Variants in PCDHGA4 observed in about 807,000 individuals in gnomAD.
The protein encoded by PCDHGA4 is protocadherin gamma subfamily A, 4, also known as protocadherin gamma-A4.
PCDHGA4 carries 38 observed loss-of-function variants against 54.6 expected under a neutral mutation model. The ratio of observed to expected loss-of-function variants is 0.70; its 90% CI spans 0.54 to 0.91. The LOEUF (loss-of-function observed/expected upper bound fraction) is 0.91, where lower values mean the gene tolerates loss of function less well. PCDHGA4 is among the 40% of genes least tolerant of loss of function. The pLI is 0.00. For synonymous variants in PCDHGA4, 511 were observed against 512.9 expected (o/e 1.00, Z 0.05); for missense variants, 1,298 against 1,220.9 (o/e 1.06, Z -0.94).
chr5:141,356,976 G>C lies in PCDHGA4; in HGVS notation c.1869G>C (p.Val623=). 3 of 1,614,248 alleles carry C rather than the reference G, an allele frequency of 1.9e-6. No individual in the cohort carries two copies. The highest frequency in any genetic ancestry group is 2.5e-6 in the Non-Finnish European group (3 of 1,180,048). The change falls in exon 1 of 4, where the codon GTG becomes GTC. Residue 623 remains valine (V), a synonymous_variant. Transcript: ENST00000571252. ...ADSGYLVTKV[V]AVDRDSGQNA... ...CCGGCTACCTGGTGACCAAAGTGGTGGCAGTGGACAGAGACTCAGGTCAGA... is the reference window on the plus strand; with the variant it reads ...CCGGCTACCTGGTGACCAAAGTGGTCGCAGTGGACAGAGACTCAGGTCAGA...
chr5:141,371,546 C>T, intron 1 of PCDHGA4: 1 of 1,613,690 alleles, frequency 6.2e-7, no homozygotes, highest in Non-Finnish European at 8.5e-7. Flanking sequence ...AAATCCTATG[C>T]CAACTAAAAG....
intron 1 of PCDHGA4, among the ~76,000 whole-genome samples, chr5:141,454,596 G>C (rs1184158084): frequency 1.3e-5 from 2 of 151,324 alleles, no homozygotes; most frequent in Non-Finnish European, 2.9e-5. Flanking sequence ...AGTAGAGACA[G>C]GGTTTCTCCA....
chr5:141,391,912 T>C (rs1370313040), intron 1 of PCDHGA4: 1 of 152,228 alleles, frequency 6.6e-6, no homozygotes, highest in Non-Finnish European at 1.5e-5. Context: ...CTTTTTATCA[T>C]ATATTCATCT....
chr5:141,374,484 TAAAGG>T, intron 1 of PCDHGA4: 1 of 1,611,588 alleles, frequency 6.2e-7, no homozygotes, highest in Non-Finnish European at 8.5e-7. Flanking sequence ...CCCCGATTCT[TAAAGG>T]AAGAATTGGA....
At chr5:141,392,819 C>A (rs1346235587) in intron 1 of PCDHGA4, 7 of 1,590,376 alleles carry the variant, frequency 4.4e-6, no homozygotes, top group Non-Finnish European at 6.0e-6. Context: ...CAACAATGGC[C>A]GCTCCACAGA....
intron 1 of PCDHGA4, chr5:141,393,467 C>G (rs1589192441): frequency 6.2e-7 from 1 of 1,614,044 alleles, no homozygotes; most frequent in East Asian, 2.2e-5. Flanking sequence ...CGGATGGCGG[C>G]AAGCCGCCTC....
chr5:141,467,878 C>T (rs937986234), intron 1 of PCDHGA4, among the ~76,000 whole-genome samples: 8 of 151,998 alleles, frequency 5.3e-5, no homozygotes, highest in Non-Finnish European at 7.4e-5. Flanking sequence ...AGGCTGGTCT[C>T]AAACTCCTGA....
chr5:141,415,432 T>G, intron 1 of PCDHGA4: 1 of 1,614,222 alleles, frequency 6.2e-7, no homozygotes, highest in East Asian at 2.2e-5. Flanking sequence ...GGTTCGGGCT[T>G]TCCTGCAGAC....
intron 1 of PCDHGA4, chr5:141,375,132 CA>C (rs1265573516): frequency 6.2e-7 from 1 of 1,613,834 alleles, no homozygotes; most frequent in Non-Finnish European, 8.5e-7. Context: ...GTGGTTGTTA[CA>C]TCTGGAAGCA....
In PCDHGA4 at chr5:141,374,403, A is replaced by G. The variant is rs201390749; in HGVS notation, c.2514+16782A>G. 6.2e-4 allele frequency: 999 copies of G among 1,613,916 alleles called. 2 individuals are homozygous for G. Among genetic ancestry groups the G allele is most frequent in the Non-Finnish European group, 8.1e-4 (961 of 1,179,908 alleles). ...AGCCCGCGGTGTCTGGTGAGTTTTA[A>G]CATCCTTGTCGAGGATAAACTGAAT... On this transcript the variant is annotated intron_variant, in intron 1 of 3. Coordinates refer to ENST00000571252, the MANE Select transcript of PCDHGA4 (RefSeq NM_018917.4).
intron 1 of PCDHGA4, among the ~76,000 whole-genome samples, chr5:141,480,839 G>A (rs1397361640): frequency 6.6e-6 from 1 of 152,196 alleles, no homozygotes; most frequent in Non-Finnish European, 1.5e-5. Context: ...AAGATCAGGA[G>A]TTTGAGACCA....
chr5:141,459,993 G>T (rs1320315247), intron 1 of PCDHGA4, among the ~76,000 whole-genome samples: 1 of 152,164 alleles, frequency 6.6e-6, no homozygotes, highest in African/African-American at 2.4e-5. Context: ...CAGGAGAATC[G>T]CTTGAACCCA....
rs750200042 is a variant in PCDHGA4, at chr5:141,418,821, C to A, written c.2514+61200C>A. On this transcript the variant is annotated intron_variant, in intron 1 of 3. Coordinates refer to ENST00000571252, the MANE Select transcript of PCDHGA4 (RefSeq NM_018917.4). ...GAAAGATATACGATAAACATAGAAG[C>A]AAAAGACCGAGGATCTCTCTCAACA... 8.1e-6 allele frequency: 13 copies of A among 1,613,846 alleles called. 1 individual carries two copies. The highest frequency in any genetic ancestry group is 1.6e-4 in the Middle Eastern group (1 of 6,062).
chr5:141,413,555 T>C (rs1270604020), intron 1 of PCDHGA4: 1 of 1,613,852 alleles, frequency 6.2e-7, no homozygotes. Flanking sequence ...GAAATAGAAG[T>C]AACTGATATC....
chr5:141,404,490 T>A (rs748668164), intron 1 of PCDHGA4: 6 of 1,613,632 alleles, frequency 3.7e-6, no homozygotes, highest in Non-Finnish European at 5.1e-6. Flanking sequence ...GACACTGGTG[T>A]GCTGTATGCT....
chr5:141,383,112 G>A (rs1167934535), intron 1 of PCDHGA4: 7 of 1,614,042 alleles, frequency 4.3e-6, no homozygotes, highest in East Asian at 2.2e-5. Context: ...CCAGAGGTAG[G>A]ACGCAGCTTT....
chr5:141,367,755 C>A (rs564169622), intron 1 of PCDHGA4: 1 of 152,184 alleles, frequency 6.6e-6, no homozygotes, highest in South Asian at 2.1e-4. Context: ...TTACATACTG[C>A]TGCACTCAAT....
chr5:141,459,595 T>C (rs904266180), intron 1 of PCDHGA4, among the ~76,000 whole-genome samples: 10 of 152,232 alleles, frequency 6.6e-5, no homozygotes, highest in African/African-American at 9.6e-5. Context: ...TCATATGAAA[T>C]GGGAAGTATA....
chr5:141,425,371 G>T (rs1396857898), intron 1 of PCDHGA4, among the ~76,000 whole-genome samples: 3 of 152,186 alleles, frequency 2.0e-5, no homozygotes, highest in African/African-American at 7.2e-5. Context: ...AGAGGGTTAT[G>T]TTGATTCGGA....
Sources: gnomAD v4.1 joint callset for allele counts (sites outside exome capture counted in the v4.1 genomes callset) on GRCh38, gnomAD v4.1.1 for gene constraint, MANE v1.5 for transcripts, NCBI Gene and HGNC (gene_info 2026-07-23, HGNC 2026-07-21) for gene names.